SDCCAG8: variants seen among roughly 807,000 people sequenced by gnomAD.
SDCCAG8 encodes SHH signaling and ciliogenesis regulator SDCCAG8.
SDCCAG8 carries 74 observed loss-of-function variants against 101.8 expected under a neutral mutation model. The observed-to-expected ratio is 0.73, with a 90% CI of 0.60 to 0.88. SDCCAG8 has a LOEUF of 0.88. Ranked by LOEUF, SDCCAG8 falls within the 40% of genes least tolerant of loss-of-function variation. The pLI, the probability that SDCCAG8 is intolerant of heterozygous loss-of-function variation, is 0.00. For missense variants in SDCCAG8, 787 were observed against 822.6 expected, an observed-to-expected ratio of 0.96 and a Z score of 0.53; for synonymous variants, 281 against 292.9, an observed-to-expected ratio of 0.96 and a Z score of 0.41.
intron 17 of SDCCAG8, among the ~76,000 whole-genome samples, chr1:243,491,083 A>G (rs1666288897): frequency 6.6e-6 from 1 of 152,212 alleles, no homozygotes; most frequent in Non-Finnish European, 1.5e-5. Flanking sequence ...AAGCTGGAGC[A>G]CACGGCAGCT....
chr1:243,329,170 A>C (rs985306573), intron 9 of SDCCAG8, among the ~76,000 whole-genome samples: 14 of 152,184 alleles, frequency 9.2e-5, no homozygotes, highest in African/African-American at 3.4e-4. Context: ...TCTAATTTAA[A>C]ATTTCCTTTT....
chr1:243,263,539 T>G lies in SDCCAG8; in HGVS notation c.68-6566T>G, dbSNP rs553603461. Reference sequence around the variant, plus strand: ...TCTTTTATCAGTGGAAAGTGACAGGTGCATCAGTCCTCTCCACTGATGCCA... The same window carrying G: ...TCTTTTATCAGTGGAAAGTGACAGGGGCATCAGTCCTCTCCACTGATGCCA... On this transcript the variant is annotated intron_variant, in intron 1 of 17. Transcript: ENST00000366541. 1.3e-3 allele frequency among the ~76,000 whole-genome samples: 202 copies of G among 152,356 alleles called. 1 individual carries two copies. The highest frequency in any genetic ancestry group is 2.7e-3 in the Admixed American group (42 of 15,308).
chr1:243,404,236 C>T (rs1405748299), intron 13 of SDCCAG8, among the ~76,000 whole-genome samples: 3 of 152,106 alleles, frequency 2.0e-5, no homozygotes, highest in Non-Finnish European at 4.4e-5. Context: ...GGGCAGGCTA[C>T]CTTGTGGAAA....
At chr1:243,365,112 C>T (rs1402117713) in intron 12 of SDCCAG8, among the ~76,000 whole-genome samples, 2 of 152,070 alleles carry the variant, frequency 1.3e-5, no homozygotes, top group South Asian at 2.1e-4. Flanking sequence ...TGGGTATCGG[C>T]GAAGAGTCTG....
chr1:243,336,691 G>A (rs77034364), intron 10 of SDCCAG8, among the ~76,000 whole-genome samples: 48 of 152,248 alleles, frequency 3.2e-4, no homozygotes, highest in African/African-American at 1.0e-3. Context: ...CTCCAACATC[G>A]GGGATTACAG....
chr1:243,484,884 A>T (rs1476080459), intron 16 of SDCCAG8, among the ~76,000 whole-genome samples: 1 of 152,086 alleles, frequency 6.6e-6, no homozygotes. Context: ...TCTCTACTAA[A>T]AATACAAAAA....
At chr1:243,288,405 G>A (rs2069849716) in intron 5 of SDCCAG8, among the ~76,000 whole-genome samples, 2 of 151,946 alleles carry the variant, frequency 1.3e-5, no homozygotes, top group Non-Finnish European at 2.9e-5. Context: ...GGTCAAGGCT[G>A]CAGTAAGCCC....
intron 12 of SDCCAG8, among the ~76,000 whole-genome samples, chr1:243,359,406 G>A (rs1448447678): frequency 1.3e-5 from 2 of 152,146 alleles, no homozygotes. Flanking sequence ...TACTTTCGGT[G>A]GGTGAATTCT....
chr1:243,471,493 C>A (rs915957398), intron 16 of SDCCAG8, among the ~76,000 whole-genome samples: 7 of 152,120 alleles, frequency 4.6e-5, no homozygotes, highest in Non-Finnish European at 1.0e-4. Flanking sequence ...TTAATAATGC[C>A]CCAGTCCTCT....
chr1:243,344,478 T>G, intron 12 of SDCCAG8, 147 bp downstream of exon 12: 1 of 700,128 alleles, frequency 1.4e-6, no homozygotes, highest in South Asian at 1.8e-5. Flanking sequence ...AAAATTTCTT[T>G]TATAGTTGCC....
intron 1 of SDCCAG8, among the ~76,000 whole-genome samples, chr1:243,258,827 T>C (rs2066966604): frequency 6.6e-6 from 1 of 152,230 alleles, no homozygotes; most frequent in African/African-American, 2.4e-5. Flanking sequence ...TAAGATAAAA[T>C]GCAGTTTAAA....
At chr1:243,311,791 A>G (rs1335826695) in intron 8 of SDCCAG8, among the ~76,000 whole-genome samples, 2 of 152,084 alleles carry the variant, frequency 1.3e-5, no homozygotes, top group Non-Finnish European at 2.9e-5. Flanking sequence ...CAGCCAAGAA[A>G]TAACAAGTTA....
chr1:243,402,980 T>C (rs2079508496), intron 13 of SDCCAG8, among the ~76,000 whole-genome samples: 1 of 152,192 alleles, frequency 6.6e-6, no homozygotes, highest in Non-Finnish European at 1.5e-5. Flanking sequence ...AGTTCTTCTA[T>C]ATCTTACTCT....
At chr1:243,320,541 A>AG (rs1282666102) in intron 9 of SDCCAG8, among the ~76,000 whole-genome samples, 1 of 152,046 alleles carries the variant, frequency 6.6e-6, no homozygotes, top group Non-Finnish European at 1.5e-5. Context: ...CAAAGGCAGG[A>AG]GGGCTTAGGG....
In SDCCAG8 at chr1:243,277,380, T is replaced by C. The variant is rs148166317; in HGVS notation, c.420+2724T>C. ...AACCTCATTGCTGTTTTAATTTCAA[T>C]TCCCTGATCACAAATGATGCTGAGC... On this transcript the variant is annotated intron_variant, in intron 4 of 17. Transcript: ENST00000366541. 3.3e-5 allele frequency among the ~76,000 whole-genome samples: 5 copies of C among 152,366 alleles called. No homozygotes were observed. The East Asian group carries it at 9.6e-4, about 29-fold the overall frequency.
intron 16 of SDCCAG8, among the ~76,000 whole-genome samples, chr1:243,443,744 G>C (rs1025578528): frequency 3.3e-5 from 5 of 152,114 alleles, no homozygotes; most frequent in Non-Finnish European, 5.9e-5. Context: ...TGCTGTGTCT[G>C]TCTGTTTCCA....
rs541939242 is a variant in SDCCAG8 at position 243,455,451 on chromosome 1, A to G, written c.1985+28893A>G. ...TGCCCAACTAATTTTTGTATTTTTA[A>G]TAGAGTTGGGTTTCACCATGTTGGC... On this transcript the variant is annotated intron_variant, in intron 16 of 17. Coordinates refer to ENST00000366541, the MANE Select transcript of SDCCAG8 (RefSeq NM_006642.5). Among the ~76,000 whole-genome samples the G allele has an allele frequency of 5.9e-4, 89 of 152,056 alleles. 1 individual carries two copies. In the South Asian group the frequency reaches 0.018, roughly 31 times the overall value.
intron 4 of SDCCAG8, among the ~76,000 whole-genome samples, chr1:243,283,463 G>A (rs986565042): frequency 2.0e-5 from 3 of 149,522 alleles, no homozygotes; most frequent in Admixed American, 1.3e-4. Context: ...TTGTACTGCA[G>A]TTCTTGTATA....
At position 243,403,036 on chromosome 1, in the gene SDCCAG8, GAC is replaced by G. The variant is rs2079513110; in HGVS notation, c.1617-12664_1617-12663del. Among the ~76,000 whole-genome samples the G allele has an allele frequency of 5.9e-5, 9 of 152,300 alleles. 1 individual carries two copies. In the South Asian group the frequency reaches 1.9e-3, roughly 32 times the overall value. ...TTGAAGAGTTGTTGAAAATAAATTT[GAC>G]AGTTAAATAACTAGATGCCGATCTG... On this transcript the variant is annotated intron_variant, in intron 13 of 17. Coordinates refer to ENST00000366541, the MANE Select transcript of SDCCAG8 (RefSeq NM_006642.5).
Sources: gnomAD v4.1 joint callset for allele counts (sites outside exome capture counted in the v4.1 genomes callset) on GRCh38, gnomAD v4.1.1 for gene constraint, MANE v1.5 for transcripts, NCBI Gene and HGNC (gene_info 2026-07-23, HGNC 2026-07-21) for gene names.